Variants in ZMIZ1 observed in about 807,000 individuals in gnomAD.
The protein encoded by ZMIZ1 is zinc finger MIZ domain-containing protein 1.
ZMIZ1 carries 17 observed loss-of-function variants against 113.9 expected under a neutral mutation model. The ratio of observed to expected loss-of-function variants is 0.15; its 90% confidence interval spans 0.10 to 0.22. ZMIZ1 has a LOEUF of 0.22. ZMIZ1 is among the 10% of genes least tolerant of loss of function. The pLI, the probability that ZMIZ1 is intolerant of heterozygous loss-of-function variation, is 1.00. For synonymous variants in ZMIZ1, 607 were observed against 603.1 expected, an observed-to-expected ratio of 1.01 and a Z score of -0.09; for missense variants, 1,059 against 1,477.8, an observed-to-expected ratio of 0.72 and a Z score of 4.65.
intron 5 of ZMIZ1, among the ~76,000 whole-genome samples, chr10:79,208,076 GGTGGAGGTGGTGGGGGTGGA>G (rs879728998): frequency 0.022 from 3,175 of 145,368 alleles, 138 homozygotes; most frequent in African/African-American, 0.08. Context: ...TGAGGGTGGG[GGTGGAGGTGGTGGGGGTGGA>G]GTGGAGGTGG....
chr10:79,307,371 GACCC>G, intron 22 of ZMIZ1, 30 bp from the exon 23 acceptor site: 8 of 1,602,482 alleles, frequency 5.0e-6, no homozygotes, highest in East Asian at 4.5e-5. Flanking sequence ...CCCTCTGGGT[GACCC>G]CCTCCCCTCC....
intron 2 of ZMIZ1, among the ~76,000 whole-genome samples, chr10:79,135,820 C>T (rs773040201): frequency 2.0e-5 from 3 of 152,186 alleles, no homozygotes; most frequent in Non-Finnish European, 4.4e-5. Flanking sequence ...GGGTCATGTG[C>T]AAAGTGTCCC....
chr10:79,215,676 C>T, intron 6 of ZMIZ1, among the ~76,000 whole-genome samples: 1 of 152,074 alleles, frequency 6.6e-6, no homozygotes, highest in Non-Finnish European at 1.5e-5. Context: ...TTGTAACAGG[C>T]CCCCCTGTGG....
chr10:79,211,831 G>A (rs370027789), intron 6 of ZMIZ1, among the ~76,000 whole-genome samples: 1 of 152,232 alleles, frequency 6.6e-6, no homozygotes, highest in African/African-American at 2.4e-5. Context: ...TCTCCCTCCC[G>A]TGGGCTTAGG....
At chr10:79,140,620 C>G (rs540887366) in intron 3 of ZMIZ1, among the ~76,000 whole-genome samples, 1 of 152,176 alleles carries the variant, frequency 6.6e-6, no homozygotes, top group Non-Finnish European at 1.5e-5. Context: ...TCCTTCCACA[C>G]TCATCCACCC....
At chr10:79,264,907 G>A (rs1377803740) in intron 7 of ZMIZ1, among the ~76,000 whole-genome samples, 13 of 152,196 alleles carry the variant, frequency 8.5e-5, no homozygotes, top group Admixed American at 5.2e-4. Flanking sequence ...TGTCTTTGAT[G>A]GCCCCTGAGT....
intron 2 of ZMIZ1, among the ~76,000 whole-genome samples, chr10:79,121,004 C>T (rs1844266612): frequency 6.6e-6 from 1 of 152,186 alleles, no homozygotes; most frequent in Admixed American, 6.5e-5. Context: ...CACATTGCCT[C>T]CATGAGTGCT....
At chr10:79,261,886 C>A (rs189283622) in intron 7 of ZMIZ1, among the ~76,000 whole-genome samples, 40 of 152,314 alleles carry the variant, frequency 2.6e-4, no homozygotes, top group African/African-American at 9.4e-4. Flanking sequence ...GCCAAGATCA[C>A]ATAGTTCATA....
At chr10:79,139,129 G>A (rs1384507303) in intron 2 of ZMIZ1, among the ~76,000 whole-genome samples, 2 of 152,174 alleles carry the variant, frequency 1.3e-5, no homozygotes, top group African/African-American at 4.8e-5. Context: ...TGGTTTTCCC[G>A]AGGTGCGTAC....
intron 7 of ZMIZ1, among the ~76,000 whole-genome samples, chr10:79,269,529 C>T (rs142633849): frequency 6.6e-6 from 1 of 151,782 alleles, no homozygotes; most frequent in Non-Finnish European, 1.5e-5. Context: ...TGCTAAGATG[C>T]TCTTTGATAC....
chr10:79,135,902 C>T (rs1430131458), intron 2 of ZMIZ1, among the ~76,000 whole-genome samples: 8 of 152,240 alleles, frequency 5.3e-5, no homozygotes, highest in Non-Finnish European at 8.8e-5. Context: ...ACCCACCCGC[C>T]GCCGCTGTGT....
intron 10 of ZMIZ1, 66 bp from the exon 11 acceptor site, chr10:79,292,092 C>T: frequency 6.8e-7 from 1 of 1,473,420 alleles, no homozygotes. Flanking sequence ...TTCCAGCCCA[C>T]AGCTTGCCCT....
At position 79,104,950 on chromosome 10, in the gene ZMIZ1, G is replaced by GGGGT. The variant is rs1190362797; in HGVS notation, c.-336-13964_-336-13963insGGTG. The stretch of plus-strand genomic sequence containing the variant: ...TGTTGTTGTTGGGTTGTTGTTGTGG[G>GGGGT]GTGTGTGTGTGTGTGTGTGTGTGTG... On this transcript the variant is annotated intron_variant, in intron 1 of 24. Transcript: ENST00000334512. 1.8e-3 allele frequency among the ~76,000 whole-genome samples: 254 copies of GGGGT among 140,186 alleles called. 1 individual carries two copies. Among genetic ancestry groups the GGGGT allele is most frequent in the South Asian group, 3.8e-3 (16 of 4,254 alleles). The allele number at this position is 140,186 out of a possible 152,430, so 92.0% of individuals were successfully genotyped here. A position where few individuals can be genotyped will look rare whatever the true frequency, so the allele number is the denominator to read the frequency against.
intron 6 of ZMIZ1, among the ~76,000 whole-genome samples, chr10:79,214,224 C>T (rs1405846644): frequency 6.6e-6 from 1 of 152,108 alleles, no homozygotes. Flanking sequence ...TGAGGATGTC[C>T]CAGAGACTGG....
chr10:79,241,799 C>A (rs188914894), intron 7 of ZMIZ1, among the ~76,000 whole-genome samples: 35 of 152,280 alleles, frequency 2.3e-4, no homozygotes, highest in African/African-American at 7.7e-4. Context: ...CAGCCAGAGG[C>A]TGAGGCTGAG....
At chr10:79,279,538 C>T (rs1354937218) in intron 8 of ZMIZ1, among the ~76,000 whole-genome samples, 1 of 152,102 alleles carries the variant, frequency 6.6e-6, no homozygotes, top group African/African-American at 2.4e-5. Flanking sequence ...CAGGCAGAGA[C>T]GCTCCTCACT....
intron 1 of ZMIZ1, among the ~76,000 whole-genome samples, chr10:79,085,445 A>G (rs899013563): frequency 2.0e-5 from 3 of 152,232 alleles, no homozygotes; most frequent in Non-Finnish European, 4.4e-5. Flanking sequence ...CTCAGCCCGC[A>G]TAACGCCCCA....
intron 4 of ZMIZ1, among the ~76,000 whole-genome samples, chr10:79,163,104 T>A (rs1340944776): frequency 6.6e-6 from 1 of 152,252 alleles, no homozygotes; most frequent in African/African-American, 2.4e-5. Context: ...AAATCCTTAC[T>A]TGGCCCAGAG....
At chr10:79,277,108 G>A in intron 7 of ZMIZ1, 73 bp from the exon 8 acceptor site, 1 of 1,442,418 alleles carries the variant, frequency 6.9e-7, no homozygotes, top group Non-Finnish European at 9.1e-7. Context: ...AGTCTGGGGA[G>A]AGTTGGGGGG....
Sources: allele counts gnomAD v4.1 joint callset (sites outside exome capture counted in the v4.1 genomes callset), GRCh38; gene constraint gnomAD v4.1.1; transcripts MANE v1.5; gene names NCBI Gene and HGNC (gene_info 2026-07-23, HGNC 2026-07-21).